The following CDC42BPA variants were observed in gnomAD, a reference collection of about 807,000 sequenced individuals.
The protein encoded by CDC42BPA is CDC42 binding protein kinase alpha, also known as serine/threonine-protein kinase MRCK alpha.
CDC42BPA carries 80 observed loss-of-function variants against 223.5 expected under a neutral mutation model. That is an observed-to-expected ratio of 0.36 (90% CI 0.30 to 0.43). The LOEUF is 0.43. Among genes scored for constraint, CDC42BPA ranks in the 20% least tolerant of loss-of-function variants. The pLI is 1.00. For missense variants in CDC42BPA, 1,743 were observed against 2,099.9 expected, an observed-to-expected ratio of 0.83 and a Z score of 3.32; for synonymous variants, 694 against 718.6, an observed-to-expected ratio of 0.97 and a Z score of 0.55.
At chr1:227,234,837 A>C (rs371263389) in intron 2 of CDC42BPA, 5 of 152,252 alleles carry the variant, frequency 3.3e-5, no homozygotes, top group Admixed American at 6.5e-5. Flanking sequence ...CACAGGCCGC[A>C]TGTGGCCCAG....
At chr1:227,270,478 A>G (rs1685775757) in intron 1 of CDC42BPA, among the ~76,000 whole-genome samples, 1 of 152,200 alleles carries the variant, frequency 6.6e-6, no homozygotes, top group African/African-American at 2.4e-5. Flanking sequence ...ACTTAACTAC[A>G]TGAACTCATA....
chr1:227,034,201 A>G (rs1458232836), intron 26 of CDC42BPA, among the ~76,000 whole-genome samples: 4 of 152,228 alleles, frequency 2.6e-5, no homozygotes, highest in African/African-American at 7.2e-5. Flanking sequence ...AAGGTAAAGG[A>G]GAGAGAACTA....
chr1:227,031,400 A>C lies in CDC42BPA; in HGVS notation c.3673T>G (p.Leu1225Val). 6.2e-7 allele frequency: 1 copy of C among 1,614,046 alleles called. No individual in the cohort carries two copies. Among genetic ancestry groups the C allele is most frequent in the Non-Finnish European group, 8.5e-7 (1 of 1,179,970 alleles). The change falls in exon 28 of 37, where the codon TTG becomes GTG. Residue 1225 changes from leucine to valine, a missense_variant. Physicochemically the swap from Leu to Val is conservative, Grantham distance 32 (BLOSUM62 1). This residue lies in a region of CDC42BPA where 678 missense variants were observed against 777.5 expected (regional missense o/e 0.87). Transcript: ENST00000366766. ...CGGTCTCTGAATTTGTTTTTCTTCA[A>C]AATCTTGTGCAATTCACTCAGCACT... Reference protein sequence around the residue: ...VGVLSELHKILKKNKFRDRSV... With the variant: ...VGVLSELHKIVKKNKFRDRSV...
At chr1:227,061,808 T>C (rs1675969143) in intron 21 of CDC42BPA, among the ~76,000 whole-genome samples, 2 of 152,198 alleles carry the variant, frequency 1.3e-5, no homozygotes, top group African/African-American at 4.8e-5. Context: ...AGATTCCAGG[T>C]TTCTGTCCTT....
chr1:227,234,424 T>G (rs1237597443), intron 2 of CDC42BPA: 2 of 152,132 alleles, frequency 1.3e-5, no homozygotes, highest in African/African-American at 4.8e-5. Flanking sequence ...ATCAACAGAG[T>G]TCATGTAGCT....
At chr1:227,114,501 G>A (rs566455062) in intron 12 of CDC42BPA, among the ~76,000 whole-genome samples, 1 of 148,190 alleles carries the variant, frequency 6.7e-6, no homozygotes, top group Non-Finnish European at 1.5e-5. Context: ...GAGAAATGAA[G>A]AGCTAATAAA....
Position 227,317,201 on chromosome 1 carries a change from T to C in CDC42BPA, c.-19A>G, listed in dbSNP as rs767085636. 2 of 1,590,450 alleles carry C rather than the reference T, an allele frequency of 1.3e-6. No homozygotes were observed. Among genetic ancestry groups the C allele is most frequent in the South Asian group, 1.2e-5 (1 of 86,660 alleles). ...CAGACATGTTTGCTTCGATTTCTGC[T>C]GGTTTTCCTTTAAATTATTATGATG... On this transcript the variant is annotated 5_prime_UTR_variant, in exon 1 of 37. Coordinates refer to ENST00000366766, the MANE Select transcript of CDC42BPA (RefSeq NM_001394014.1).
chr1:227,091,420 G>A (rs1459406778), intron 16 of CDC42BPA, among the ~76,000 whole-genome samples: 1 of 151,964 alleles, frequency 6.6e-6, no homozygotes, highest in Non-Finnish European at 1.5e-5. Flanking sequence ...AAAAGTGTGT[G>A]CACCTCCCCA....
At chr1:227,300,636 C>T (rs1691461497) in intron 1 of CDC42BPA, among the ~76,000 whole-genome samples, 1 of 152,142 alleles carries the variant, frequency 6.6e-6, no homozygotes, top group South Asian at 2.1e-4. Context: ...TACACAAAGG[C>T]AGACAGAGTA....
chr1:227,312,962 T>C (rs2148831153), intron 1 of CDC42BPA, among the ~76,000 whole-genome samples: 1 of 152,304 alleles, frequency 6.6e-6, no homozygotes, highest in South Asian at 2.1e-4. Flanking sequence ...CATGCCTCCT[T>C]GTAGCCTGCG....
intron 3 of CDC42BPA, among the ~76,000 whole-genome samples, chr1:227,209,270 G>T (rs1673426409): frequency 6.7e-6 from 1 of 150,124 alleles, no homozygotes. Context: ...AGACAATGGG[G>T]TTTTCTAGAT....
chr1:227,115,486 C>T (rs989195053), intron 12 of CDC42BPA, among the ~76,000 whole-genome samples: 2 of 149,642 alleles, frequency 1.3e-5, no homozygotes, highest in African/African-American at 2.5e-5. Context: ...ATTTTAATTT[C>T]TTAGTCATTA....
intron 14 of CDC42BPA, among the ~76,000 whole-genome samples, chr1:227,105,982 G>T (rs1685855943): frequency 6.6e-6 from 1 of 152,122 alleles, no homozygotes; most frequent in Admixed American, 6.5e-5. Context: ...TGGATCATGT[G>T]GTAGTTCTGT....
intron 1 of CDC42BPA, among the ~76,000 whole-genome samples, chr1:227,291,841 GAAGTT>G (rs57673797): frequency 0.03 from 4,551 of 152,032 alleles, 197 homozygotes; most frequent in African/African-American, 0.1. Flanking sequence ...TTCCAATACT[GAAGTT>G]AAGACATGTA....
rs1216536734 is a variant in CDC42BPA, at chr1:227,317,794, C to G, written c.-612G>C. Reference sequence around the variant, plus strand: ...GGAGGGGGCGAGGTCCCTGAAGCAGCCCCTCGGCTCGGAGCACGCCAAGTC... The same window carrying G: ...GGAGGGGGCGAGGTCCCTGAAGCAGGCCCTCGGCTCGGAGCACGCCAAGTC... On this transcript the variant is annotated 5_prime_UTR_variant, in exon 1 of 37. Coordinates refer to ENST00000366766, the MANE Select transcript of CDC42BPA (RefSeq NM_001394014.1). The G allele has an allele frequency of 5.0e-6, 2 of 398,700 alleles. No homozygotes were observed. The highest frequency in any genetic ancestry group is 1.3e-4 in the South Asian group (1 of 7,810). 24.7% of individuals were successfully genotyped at this position (398,700 alleles called of 1,614,324 possible).
At chr1:227,157,857 T>C (rs1344106689) in intron 6 of CDC42BPA, among the ~76,000 whole-genome samples, 2 of 152,148 alleles carry the variant, frequency 1.3e-5, no homozygotes, top group African/African-American at 4.8e-5. Context: ...TACTTTCTAA[T>C]CGTAAAATGT....
At chr1:227,036,460 G>C (rs912311900) in intron 24 of CDC42BPA, among the ~76,000 whole-genome samples, 3 of 120,392 alleles carry the variant, frequency 2.5e-5, no homozygotes, top group East Asian at 2.5e-4. Flanking sequence ...ACGGAGTCTC[G>C]CTCTGTCGCC....
At chr1:227,036,421 CTTTTTTTTT>C (rs56254464) in intron 24 of CDC42BPA, among the ~76,000 whole-genome samples, 6 of 71,130 alleles carry the variant, frequency 8.4e-5, no homozygotes, top group East Asian at 4.3e-4. Flanking sequence ...CTTCAATTCA[CTTTTTTTTT>C]TTTTTTTTTT....
At chr1:227,258,217 T>C (rs1296771864) in intron 1 of CDC42BPA, among the ~76,000 whole-genome samples, 1 of 147,462 alleles carries the variant, frequency 6.8e-6, no homozygotes, top group African/African-American at 2.6e-5. Context: ...GGAGCCTGAC[T>C]ATCCCCCCAA....
Sources: gnomAD v4.1 joint callset for allele counts (sites outside exome capture counted in the v4.1 genomes callset) on GRCh38, gnomAD v4.1.1 for gene constraint, gnomAD v4.1.1 regional missense constraint, MANE v1.5 for transcripts, NCBI Gene and HGNC (gene_info 2026-07-23, HGNC 2026-07-21) for gene names.